The following KDM5A variants were observed in gnomAD, a reference collection of about 807,000 sequenced individuals.
KDM5A encodes the protein lysine-specific demethylase 5A.
KDM5A carries 42 observed loss-of-function variants against 193.5 expected under a neutral mutation model. The ratio of observed to expected loss-of-function variants is 0.22; its 90% CI spans 0.17 to 0.28. The LOEUF is 0.28. Among genes scored for constraint, KDM5A ranks in the 10% least tolerant of loss-of-function variants. The pLI is 1.00. For missense variants in KDM5A, 1,692 were observed against 2,055.1 expected, an observed-to-expected ratio of 0.82 and a Z score of 3.42; for synonymous variants, 796 against 718.1, an observed-to-expected ratio of 1.11 and a Z score of -1.73.
At chr12:349,816 CT>C (rs1200899671) in intron 10 of KDM5A, among the ~76,000 whole-genome samples, 2 of 151,528 alleles carry the variant, frequency 1.3e-5, no homozygotes, top group Non-Finnish European at 2.9e-5. Context: ...AGTCATTGCA[CT>C]CAGCTTAAAT....
At chr12:314,925 G>A (rs1209348179) in intron 19 of KDM5A, among the ~76,000 whole-genome samples, 2 of 152,186 alleles carry the variant, frequency 1.3e-5, no homozygotes, top group African/African-American at 4.8e-5. Context: ...GATGACAGAT[G>A]GCCTTATAAA....
intron 19 of KDM5A, among the ~76,000 whole-genome samples, chr12:315,560 A>G (rs1943641720): frequency 6.6e-6 from 1 of 152,124 alleles, no homozygotes; most frequent in Non-Finnish European, 1.5e-5. Context: ...CTGGGCAACA[A>G]AGCAAATCTC....
chr12:350,868 C>T, intron 9 of KDM5A, 89 bp from the exon 10 acceptor site: 2 of 1,162,248 alleles, frequency 1.7e-6, no homozygotes, highest in Non-Finnish European at 2.6e-6. Context: ...TAAACACAAA[C>T]CCATGATGAG....
rs1943676891 is a variant in KDM5A at position 318,424 on chromosome 12, G to A, written c.2579C>T (p.Ala860Val). The change falls in exon 19 of 28, where the codon GCT becomes GTT. Residue 860 changes from alanine (A) to valine (V), a missense_variant. By Grantham distance (64) the Ala-to-Val change is moderately conservative. Transcript: ENST00000399788. ...GGTTTCATCCATCATGGCCTCCTGA[G>A]CACGTTCATGAAACTCTTCCACATC... ...LDDVEEFHER[A>V]QEAMMDETPD... The A allele has an allele frequency of 5.0e-6, 8 of 1,613,920 alleles. No individual in the cohort carries two copies. The highest frequency in any genetic ancestry group is 6.8e-6 in the Non-Finnish European group (8 of 1,179,832).
chr12:302,323 A>T (rs1243656407), intron 24 of KDM5A, among the ~76,000 whole-genome samples: 1 of 152,220 alleles, frequency 6.6e-6, no homozygotes, highest in Non-Finnish European at 1.5e-5. Context: ...ACCAAAACAG[A>T]TATACAGACC....
At chr12:302,220 TC>T (rs1444612176) in intron 24 of KDM5A, among the ~76,000 whole-genome samples, 2 of 152,138 alleles carry the variant, frequency 1.3e-5, no homozygotes, top group African/African-American at 4.8e-5. Flanking sequence ...GCCAAGGCAA[TC>T]CTAAAGAAAT....
At chr12:297,255 T>C in intron 24 of KDM5A, 55 bp from the exon 25 acceptor site, 1 of 1,541,202 alleles carries the variant, frequency 6.5e-7, no homozygotes, top group Non-Finnish European at 9.0e-7. Flanking sequence ...ACTTATTTTA[T>C]GACAAGGCCC....
intron 24 of KDM5A, among the ~76,000 whole-genome samples, chr12:298,665 G>A (rs924992522): frequency 1.3e-5 from 2 of 152,014 alleles, no homozygotes; most frequent in African/African-American, 2.4e-5. Flanking sequence ...AAATCTCCTC[G>A]CCAGCAAAGG....
At chr12:287,357 T>C (rs1334997754) in intron 27 of KDM5A, among the ~76,000 whole-genome samples, 1 of 152,160 alleles carries the variant, frequency 6.6e-6, no homozygotes, top group African/African-American at 2.4e-5. Flanking sequence ...CTCTGTGATA[T>C]CACTTCCTGT....
At chr12:365,415 G>T (rs1298673515) in intron 4 of KDM5A, among the ~76,000 whole-genome samples, 1 of 152,144 alleles carries the variant, frequency 6.6e-6, no homozygotes, top group African/African-American at 2.4e-5. Flanking sequence ...AAATCATATT[G>T]TATGATTACA....
At chr12:330,054 A>AGTGTGTGT (rs148451707) in intron 13 of KDM5A, among the ~76,000 whole-genome samples, 27 of 142,336 alleles carry the variant, frequency 1.9e-4, no homozygotes, top group African/African-American at 5.3e-4. Flanking sequence ...CAAAGGAAAA[A>AGTGTGTGT]GTGTGTGTGT....
chr12:370,810 C>T (rs1211411128), intron 3 of KDM5A, among the ~76,000 whole-genome samples: 1 of 152,196 alleles, frequency 6.6e-6, no homozygotes, highest in Non-Finnish European at 1.5e-5. Context: ...GTTCACCTTC[C>T]TGTGTCCAAG....
rs1176188131 is a variant in KDM5A at position 323,101 on chromosome 12, A to G, written c.2256T>C (p.Ala752=). 1 of 1,606,246 alleles carries G rather than the reference A, an allele frequency of 6.2e-7. No individual in the cohort carries two copies. Among genetic ancestry groups the G allele is most frequent in the Non-Finnish European group, 8.5e-7 (1 of 1,175,608 alleles). Residue 752 remains alanine (A), a synonymous_variant, in exon 16 of 28, where the codon GCT becomes GCC. Coordinates refer to ENST00000399788, the MANE Select transcript of KDM5A (RefSeq NM_001042603.3). ...TTTAACCTTTTTTGTGGTTGAAGTT[A>G]GCAGACAATGCTTCTGTAACACGAC... The part of the protein sequence containing the change: ...WVSRVTEALS[A]NFNHKKDLIE...
At chr12:356,698 G>A (rs546998170) in intron 5 of KDM5A, among the ~76,000 whole-genome samples, 161 bp from the exon 6 acceptor site, 9 of 152,154 alleles carry the variant, frequency 5.9e-5, no homozygotes, top group South Asian at 2.1e-4. Context: ...AGTTGAAAAC[G>A]GTCACCAAAA....
chr12:385,260 A>G (rs1201392672), intron 2 of KDM5A, among the ~76,000 whole-genome samples: 2 of 151,922 alleles, frequency 1.3e-5, no homozygotes, highest in Non-Finnish European at 2.9e-5. Flanking sequence ...TCAGAATGAC[A>G]TAATAAACCT....
intron 24 of KDM5A, among the ~76,000 whole-genome samples, chr12:302,306 T>A (rs1039304066): frequency 6.6e-6 from 1 of 152,204 alleles, no homozygotes; most frequent in Non-Finnish European, 1.5e-5. Context: ...AACAGCATGG[T>A]ACTGGTACCA....
At chr12:367,822 C>T (rs1008346929) in intron 3 of KDM5A, among the ~76,000 whole-genome samples, 4 of 151,978 alleles carry the variant, frequency 2.6e-5, no homozygotes, top group Non-Finnish European at 5.9e-5. Context: ...TGATCACACC[C>T]CTGCACTCTG....
At chr12:363,245 T>C (rs1364811643) in intron 4 of KDM5A, 148 bp from the exon 5 acceptor site, 2 of 857,696 alleles carry the variant, frequency 2.3e-6, no homozygotes, top group Admixed American at 2.5e-5. Context: ...CCTACCAAAA[T>C]CCTGGCAGGC....
intron 1 of KDM5A, chr12:388,113 A>C: frequency 3.4e-6 from 1 of 291,682 alleles, no homozygotes; most frequent in East Asian, 8.5e-5. Flanking sequence ...TGGTCCAGCA[A>C]CATCATTTAA....
Sources: allele counts gnomAD v4.1 joint callset (sites outside exome capture counted in the v4.1 genomes callset), GRCh38; gene constraint gnomAD v4.1.1; transcripts MANE v1.5; gene names NCBI Gene and HGNC (gene_info 2026-07-23, HGNC 2026-07-21).